Variants in COA1 observed in about 807,000 individuals in gnomAD.
COA1 encodes cytochrome c oxidase assembly factor 1, also known as cytochrome c oxidase assembly factor 1 homolog.
A neutral mutation model predicts 16.0 loss-of-function variants in COA1; 13 were observed. The ratio of observed to expected loss-of-function variants is 0.81; its 90% confidence interval spans 0.53 to 1.29. The LOEUF is 1.29. Among genes scored for constraint, COA1 ranks in the 50% most tolerant of loss-of-function variants. The pLI, the probability that COA1 is intolerant of heterozygous loss-of-function variation, is 0.00. For missense variants in COA1, 179 were observed against 177.0 expected (o/e 1.01, Z -0.06); for synonymous variants, 65 against 65.7 (o/e 0.99, Z 0.05).
At chr7:43,611,777 T>C (rs1480710721) in intron 6 of COA1, among the ~76,000 whole-genome samples, 16 of 152,216 alleles carry the variant, frequency 1.1e-4, no homozygotes, top group Admixed American at 1.0e-3. Context: ...ATCGTGTATC[T>C]GTTTTATTTT....
At chr7:43,613,168 G>A (rs888785019) in intron 6 of COA1, among the ~76,000 whole-genome samples, 4 of 152,200 alleles carry the variant, frequency 2.6e-5, no homozygotes, top group Non-Finnish European at 4.4e-5. Context: ...TCTTTCAGCA[G>A]TGTTAGTACA....
At chr7:43,716,047 G>C (rs1488944233) in intron 1 of COA1, among the ~76,000 whole-genome samples, 1 of 152,170 alleles carries the variant, frequency 6.6e-6, no homozygotes, top group Non-Finnish European at 1.5e-5. Flanking sequence ...CAGCCACATG[G>C]AACTGTAAGT....
intron 6 of COA1, among the ~76,000 whole-genome samples, chr7:43,616,320 G>A (rs915285660): frequency 3.9e-5 from 6 of 152,220 alleles, no homozygotes; most frequent in South Asian, 2.1e-4. Context: ...ACAGTAGGGC[G>A]TTCTTATTGC....
intron 6 of COA1, chr7:43,626,844 G>A (rs192754509): frequency 1.3e-5 from 2 of 152,110 alleles, no homozygotes; most frequent in Non-Finnish European, 2.9e-5. Flanking sequence ...AGTTTGCTGC[G>A]TATCTTTAGC....
At chr7:43,617,031 G>C (rs77662279) in intron 6 of COA1, among the ~76,000 whole-genome samples, 3 of 152,178 alleles carry the variant, frequency 2.0e-5, no homozygotes, top group Non-Finnish European at 4.4e-5. Flanking sequence ...AAGAAGAACA[G>C]AAAAAAGCGT....
chr7:43,666,664 T>C (rs762619169), intron 1 of COA1, among the ~76,000 whole-genome samples: 1 of 152,224 alleles, frequency 6.6e-6, no homozygotes, highest in Non-Finnish European at 1.5e-5. Context: ...ACAACTTAGA[T>C]ACTAGGTTTG....
At chr7:43,631,565 C>T (rs1386018996) in intron 6 of COA1, 2 of 152,244 alleles carry the variant, frequency 1.3e-5, no homozygotes, top group African/African-American at 4.8e-5. Flanking sequence ...GAACTTGTCT[C>T]ACTTCCTTCT....
chr7:43,621,794 G>GA (rs1174478550), intron 6 of COA1, among the ~76,000 whole-genome samples: 2 of 152,026 alleles, frequency 1.3e-5, no homozygotes, highest in Admixed American at 6.5e-5. Flanking sequence ...AATCCAAAAA[G>GA]AAAAAAACTA....
chr7:43,696,513 C>A (rs891065599), intron 1 of COA1, among the ~76,000 whole-genome samples: 2 of 152,082 alleles, frequency 1.3e-5, no homozygotes, highest in African/African-American at 4.8e-5. Context: ...TAGAAGCATA[C>A]AATGGAATAC....
intron 1 of COA1, among the ~76,000 whole-genome samples, chr7:43,699,254 A>C (rs1350417227): frequency 6.6e-6 from 1 of 152,188 alleles, no homozygotes; most frequent in Non-Finnish European, 1.5e-5. Flanking sequence ...AGTGAATTTT[A>C]CAGAGAGCAC....
At chr7:43,712,288 T>C (rs2095276580) in intron 1 of COA1, among the ~76,000 whole-genome samples, 1 of 152,122 alleles carries the variant, frequency 6.6e-6, no homozygotes, top group African/African-American at 2.4e-5. Flanking sequence ...AATTTTTGTA[T>C]TTTTGGTATA....
intron 1 of COA1, among the ~76,000 whole-genome samples, chr7:43,710,480 C>A (rs10156001): frequency 0.14 from 21,134 of 147,734 alleles, 2,020 homozygotes; most frequent in Non-Finnish European, 0.21. Flanking sequence ...TGTCTCATTC[C>A]CTTTCTAGAG....
At chr7:43,720,728 C>G (rs1563485559) in intron 1 of COA1, among the ~76,000 whole-genome samples, 1 of 152,192 alleles carries the variant, frequency 6.6e-6, no homozygotes, top group East Asian at 1.9e-4. Flanking sequence ...TCAGGAGCCT[C>G]TGGATGAATG....
At chr7:43,644,710 TTAGATAGATAGATAGA>T (rs764989171) in intron 4 of COA1, among the ~76,000 whole-genome samples, 12 of 56,944 alleles carry the variant, frequency 2.1e-4, no homozygotes, top group Non-Finnish European at 3.4e-4. Flanking sequence ...GATAGATAGA[TTAGATAGATAGATAGA>T]TAGATAGATA....
At chr7:43,616,917 T>C (rs1468212086) in intron 6 of COA1, among the ~76,000 whole-genome samples, 1 of 152,178 alleles carries the variant, frequency 6.6e-6, no homozygotes, top group Non-Finnish European at 1.5e-5. Flanking sequence ...GGACCATCTA[T>C]GCCTCAATTT....
intron 1 of COA1, among the ~76,000 whole-genome samples, chr7:43,677,059 A>G (rs1347030661): frequency 6.6e-6 from 1 of 152,202 alleles, no homozygotes; most frequent in Non-Finnish European, 1.5e-5. Context: ...TGCCTAACAG[A>G]TCAAAATGCT....
At chr7:43,647,439 C>T (rs764900203) in intron 3 of COA1, 96 bp downstream of exon 3, 1 of 898,144 alleles carries the variant, frequency 1.1e-6, no homozygotes, top group Admixed American at 1.8e-5. Flanking sequence ...CCTCCTTTCT[C>T]TAATCTAAAC....
intron 6 of COA1, among the ~76,000 whole-genome samples, chr7:43,630,757 T>G (rs2085097715): frequency 6.6e-6 from 1 of 152,240 alleles, no homozygotes; most frequent in Non-Finnish European, 1.5e-5. Flanking sequence ...GCACAATGTA[T>G]ATCATTTTAT....
At chr7:43,638,181 G>T (rs139008294), downstream of COA1, among the ~76,000 whole-genome samples, 195 of 151,048 alleles carry the variant, frequency 1.3e-3, no homozygotes, top group African/African-American at 4.6e-3. Context: ...GAGATAACTT[G>T]TAACAACTGA....
Sources: allele counts gnomAD v4.1 joint callset (sites outside exome capture counted in the v4.1 genomes callset), GRCh38; gene constraint gnomAD v4.1.1; transcripts MANE v1.5; gene names NCBI Gene and HGNC (gene_info 2026-07-23, HGNC 2026-07-21).